The following NLK variants were observed in gnomAD, a reference collection of about 807,000 sequenced individuals.
NLK encodes the protein serine/threonine-protein kinase NLK.
NLK carries 11 observed loss-of-function variants against 59.0 expected under a neutral mutation model. That is an observed-to-expected ratio of 0.19 (90% CI 0.12 to 0.31). The LOEUF (loss-of-function observed/expected upper bound fraction) is 0.31. Among genes scored for constraint, NLK ranks in the 10% least tolerant of loss-of-function variants. NLK has a pLI of 1.00. For synonymous variants in NLK, 235 were observed against 235.9 expected (o/e 1.00, Z 0.03); for missense variants, 410 against 661.1 (o/e 0.62, Z 4.16).
chr17:28,189,308 T>C (rs1909230747), intron 8 of NLK, among the ~76,000 whole-genome samples: 1 of 152,204 alleles, frequency 6.6e-6, no homozygotes, highest in African/African-American at 2.4e-5. Context: ...ATAGGCATTA[T>C]TTACTGTATT....
intron 1 of NLK, among the ~76,000 whole-genome samples, chr17:28,068,462 G>C (rs1356440711): frequency 1.3e-5 from 2 of 152,028 alleles, no homozygotes; most frequent in African/African-American, 4.8e-5. Flanking sequence ...TTTGTTTTTA[G>C]GTTACTATCT....
intron 1 of NLK, among the ~76,000 whole-genome samples, chr17:28,072,282 C>T (rs1438826333): frequency 1.3e-5 from 2 of 150,816 alleles, no homozygotes; most frequent in Non-Finnish European, 3.0e-5. Flanking sequence ...ACACTTAATT[C>T]ATTTCCATCA....
At chr17:28,092,803 T>A (rs980214934) in intron 1 of NLK, among the ~76,000 whole-genome samples, 1 of 141,354 alleles carries the variant, frequency 7.1e-6, no homozygotes, top group Non-Finnish European at 1.5e-5. Flanking sequence ...TTTTATTTTA[T>A]TTTATTTATT....
chr17:28,088,671 T>C (rs1281194384), intron 1 of NLK, among the ~76,000 whole-genome samples: 1 of 152,214 alleles, frequency 6.6e-6, no homozygotes, highest in Admixed American at 6.5e-5. Context: ...CAAGTTGTTA[T>C]TTTGGTCACT....
In NLK at chr17:28,043,104, A is replaced by AGCGGCT. The variant is rs1567697356; in HGVS notation, c.234_239dup (p.Ala82_Ala83dup). On this transcript the variant is annotated inframe_insertion, in exon 1 of 11. Transcript: ENST00000407008. ...CTTCGGCAGCTGCGGCAGCCGCAGC[A>AGCGGCT]GCGGCTGCAGCTGCAGCCATGTTAA... 15 of 1,586,580 alleles carry AGCGGCT rather than the reference A, an allele frequency of 9.5e-6. No individual in the cohort carries two copies. Among genetic ancestry groups the AGCGGCT allele is most frequent in the Non-Finnish European group, 1.3e-5 (15 of 1,166,584 alleles).
Position 28,168,550 on chromosome 17 carries a change from G to A in NLK, c.940G>A (p.Gly314Ser). Residue 314 changes from glycine to serine, a missense_variant, in exon 6 of 11, where the codon GGC (glycine) becomes AGC (serine). Gly to Ser is a moderately conservative substitution (Grantham distance 56, BLOSUM62 0). This residue lies in a region of NLK where 150 missense variants were observed against 244.3 expected (regional missense o/e 0.61). Coordinates refer to ENST00000407008, the MANE Select transcript of NLK (RefSeq NM_016231.5). ...TTATCGGGCTCCAGAAATCCTGATG[G>A]GCAGCCGTCATTACAGCAATGCTAT... ...QYYRAPEILM[G>S]SRHYSNAIDI... The A allele has an allele frequency of 6.2e-7, 1 of 1,613,538 alleles. No homozygotes were observed.
intron 1 of NLK, among the ~76,000 whole-genome samples, chr17:28,112,522 T>G (rs1433381025): frequency 6.6e-6 from 1 of 152,198 alleles, no homozygotes; most frequent in Non-Finnish European, 1.5e-5. Flanking sequence ...TCATTTGACT[T>G]TGGCCATTTT....
At chr17:28,141,212 A>C (rs78740176) in intron 3 of NLK, among the ~76,000 whole-genome samples, 216 of 152,102 alleles carry the variant, frequency 1.4e-3, no homozygotes, top group Non-Finnish European at 2.4e-3. Flanking sequence ...TCTCTTTTCA[A>C]CTCCCGTAAA....
intron 1 of NLK, among the ~76,000 whole-genome samples, 188 bp downstream of exon 1, chr17:28,043,519 G>C (rs35090150): frequency 0.011 from 1,655 of 152,334 alleles, 30 homozygotes; most frequent in African/African-American, 0.038. Flanking sequence ...CTCATGGCAA[G>C]TTTTGGTGGA....
chr17:28,055,983 A>G (rs945567293), intron 1 of NLK, among the ~76,000 whole-genome samples: 2 of 152,164 alleles, frequency 1.3e-5, no homozygotes, highest in South Asian at 4.1e-4. Flanking sequence ...TTATTATCAG[A>G]GTAATAGTAT....
At chr17:28,194,529 C>A in intron 10 of NLK, 53 bp from the exon 11 acceptor site, 1 of 1,328,388 alleles carries the variant, frequency 7.5e-7, no homozygotes, top group Non-Finnish European at 1.1e-6. Flanking sequence ...GTGAATTACC[C>A]TTTTGTCCAT....
intron 1 of NLK, among the ~76,000 whole-genome samples, chr17:28,108,800 T>G (rs1278869872): frequency 6.6e-6 from 1 of 152,184 alleles, no homozygotes; most frequent in East Asian, 1.9e-4. Context: ...CAATATAATA[T>G]CTTTAGAAGC....
Position 28,117,062 on chromosome 17 carries a change from A to G in NLK, c.459-5541A>G, listed in dbSNP as rs139548589. On this transcript the variant is annotated intron_variant, in intron 1 of 10. Transcript: ENST00000407008. ...GGCTAGTAGGCCATGAAAACTTCCT[A>G]GACTTGGCAGACTGGGCTGTATCAT... Among the ~76,000 whole-genome samples, 202 of 152,274 alleles carry G rather than the reference A, an allele frequency of 1.3e-3. 1 individual carries two copies. Among genetic ancestry groups the G allele is most frequent in the African/African-American group, 4.5e-3 (187 of 41,558 alleles).
chr17:28,064,256 G>C (rs1267003376), intron 1 of NLK, among the ~76,000 whole-genome samples: 1 of 135,534 alleles, frequency 7.4e-6, no homozygotes, highest in South Asian at 2.4e-4. Flanking sequence ...TTCCCATCTT[G>C]GTCTCATGAG....
At chr17:28,109,411 C>T (rs1905367864) in intron 1 of NLK, among the ~76,000 whole-genome samples, 1 of 152,222 alleles carries the variant, frequency 6.6e-6, no homozygotes. Context: ...ATCAAATTTA[C>T]CCATCATAAG....
At chr17:28,065,616 A>G (rs1268626300) in intron 1 of NLK, among the ~76,000 whole-genome samples, 1 of 152,214 alleles carries the variant, frequency 6.6e-6, no homozygotes, top group Non-Finnish European at 1.5e-5. Flanking sequence ...GGTTTGGAGT[A>G]GGAACAGGTC....
chr17:28,120,095 T>C (rs964825832), intron 1 of NLK, among the ~76,000 whole-genome samples: 14 of 152,188 alleles, frequency 9.2e-5, no homozygotes, highest in Non-Finnish European at 1.6e-4. Flanking sequence ...TTTTCTCTTC[T>C]AGTAGCTAGA....
chr17:28,137,615 A>T (rs1471863017), intron 3 of NLK, among the ~76,000 whole-genome samples: 2 of 152,166 alleles, frequency 1.3e-5, no homozygotes, highest in African/African-American at 4.8e-5. Flanking sequence ...GTAAAGTAAG[A>T]GTATCGGTGT....
the NLK span, among the ~76,000 whole-genome samples, chr17:28,203,129 A>G: frequency 6.6e-6 from 1 of 151,366 alleles, no homozygotes; most frequent in Non-Finnish European, 1.5e-5. Flanking sequence ...AAACACGCAA[A>G]CACGTATGTG....
Sources: gnomAD v4.1 joint callset for allele counts (sites outside exome capture counted in the v4.1 genomes callset) on GRCh38, gnomAD v4.1.1 for gene constraint, gnomAD v4.1.1 regional missense constraint, MANE v1.5 for transcripts, NCBI Gene and HGNC (gene_info 2026-07-23, HGNC 2026-07-21) for gene names.